LINGO2: variants seen among roughly 807,000 people sequenced by gnomAD.
LINGO2 encodes the protein leucine rich repeat and Ig domain containing 2, also known as leucine-rich repeat and immunoglobulin-like domain-containing nogo receptor-interacting protein 2.
LINGO2 carries 14 observed loss-of-function variants against 30.6 expected under a neutral mutation model. The ratio of observed to expected loss-of-function variants is 0.46; its 90% confidence interval spans 0.30 to 0.72. The LOEUF is 0.72. Among genes scored for constraint, LINGO2 ranks in the 30% least tolerant of loss-of-function variants. LINGO2 has a pLI of 0.07. For missense variants in LINGO2, 729 were observed against 751.7 expected (o/e 0.97, Z 0.35); for synonymous variants, 317 against 288.5 (o/e 1.10, Z -1.00).
intron 2 of LINGO2, among the ~76,000 whole-genome samples, chr9:28,417,098 A>AG (rs1325511961): frequency 6.6e-6 from 1 of 152,078 alleles, no homozygotes; most frequent in Non-Finnish European, 1.5e-5. Context: ...TTCAGATAAA[A>AG]AAAAAGCTGA....
the LINGO2 span, among the ~76,000 whole-genome samples, chr9:29,168,080 T>A: frequency 5.3e-5 from 8 of 152,150 alleles, no homozygotes; most frequent in Non-Finnish European, 1.0e-4. Flanking sequence ...ATAGACAATC[T>A]ATAGCAAATG....
the LINGO2 span, among the ~76,000 whole-genome samples, chr9:29,185,157 T>C: frequency 6.6e-6 from 1 of 152,010 alleles, no homozygotes; most frequent in Non-Finnish European, 1.5e-5. Context: ...CCACAGAGTG[T>C]CTCATTTACC....
rs968195733 is a variant in LINGO2 at position 28,367,816 on chromosome 9, T to C, written c.-246+5020A>G. Among the ~76,000 whole-genome samples the C allele has an allele frequency of 5.9e-5, 9 of 152,240 alleles. No individual in the cohort carries two copies. In the South Asian group the frequency reaches 1.9e-3, roughly 32 times the overall value. ...AATTATTATTTATTAATCACTCACC[T>C]CCAACCTTTCTTTATTTCAAGAACT... is the stretch of plus-strand genomic sequence containing the variant. On this transcript the variant is annotated intron_variant, in intron 3 of 5. Transcript: ENST00000379992.
the LINGO2 span, among the ~76,000 whole-genome samples, chr9:28,921,621 A>G: frequency 6.6e-6 from 1 of 152,138 alleles, no homozygotes; most frequent in Non-Finnish European, 1.5e-5. Context: ...CAGCTAAGAG[A>G]GCGGAGCAAG....
At chr9:29,092,579 T>TTATGTTTGACTTCTAGACTTAATG in the LINGO2 span, among the ~76,000 whole-genome samples, 34 of 141,658 alleles carry the variant, frequency 2.4e-4, no homozygotes, top group South Asian at 6.5e-4. Flanking sequence ...AATGCATTTT[T>TTATGTTTGACTTCTAGACTTAATG]CCATGTATTA....
chr9:28,386,203 G>T (rs760821179), intron 2 of LINGO2, among the ~76,000 whole-genome samples: 1 of 152,156 alleles, frequency 6.6e-6, no homozygotes, highest in African/African-American at 2.4e-5. Context: ...AAGAGATCAA[G>T]AACTACCCCT....
the LINGO2 span, among the ~76,000 whole-genome samples, chr9:28,950,041 C>G: frequency 6.6e-6 from 1 of 151,954 alleles, no homozygotes; most frequent in Non-Finnish European, 1.5e-5. Flanking sequence ...AAAAGTTTAT[C>G]CACCACAAAC....
intron 2 of LINGO2, among the ~76,000 whole-genome samples, chr9:28,421,889 C>T (rs1383957381): frequency 1.3e-5 from 2 of 151,880 alleles, no homozygotes; most frequent in East Asian, 1.9e-4. Flanking sequence ...TCCACAAGAG[C>T]GACAAGACCA....
intron 5 of LINGO2, among the ~76,000 whole-genome samples, chr9:27,992,203 T>C (rs1587634260): frequency 1.1e-5 from 1 of 90,530 alleles, no homozygotes; most frequent in South Asian, 2.6e-4. Context: ...GTCACTGACA[T>C]ATATAAACAT....
intron 4 of LINGO2, among the ~76,000 whole-genome samples, chr9:28,065,914 T>G (rs187401490): frequency 6.6e-6 from 1 of 152,096 alleles, no homozygotes; most frequent in South Asian, 2.1e-4. Flanking sequence ...AGGGAACAAC[T>G]GACTCACCTG....
intron 1 of LINGO2, among the ~76,000 whole-genome samples, chr9:28,574,197 A>C (rs757154736): frequency 1.3e-5 from 2 of 152,194 alleles, no homozygotes; most frequent in Non-Finnish European, 2.9e-5. Flanking sequence ...AAAAATAGTT[A>C]CTAAGACTCA....
chr9:28,631,289 C>T (rs2135877070), intron 1 of LINGO2, among the ~76,000 whole-genome samples: 1 of 151,690 alleles, frequency 6.6e-6, no homozygotes, highest in South Asian at 2.1e-4. Context: ...AGGTATATCC[C>T]CCAATGCCAT....
At chr9:28,744,609 C>CTT in the LINGO2 span, among the ~76,000 whole-genome samples, 100 of 133,970 alleles carry the variant, frequency 7.5e-4, 1 homozygote, top group African/African-American at 9.4e-4. Context: ...ATATTCCCCT[C>CTT]GTGTGTGTGT....
intron 4 of LINGO2, among the ~76,000 whole-genome samples, chr9:28,178,353 G>T (rs1453487888): frequency 6.6e-6 from 1 of 152,072 alleles, no homozygotes; most frequent in East Asian, 1.9e-4. Context: ...CAGTAAACTT[G>T]GAACATGAAA....
At chr9:28,038,505 A>G (rs1824048799) in intron 4 of LINGO2, among the ~76,000 whole-genome samples, 1 of 152,122 alleles carries the variant, frequency 6.6e-6, no homozygotes, top group Non-Finnish European at 1.5e-5. Context: ...CATCCCGGCT[A>G]AAACGGTGAA....
the LINGO2 span, among the ~76,000 whole-genome samples, chr9:29,131,999 T>G: frequency 6.6e-6 from 1 of 151,628 alleles, no homozygotes; most frequent in African/African-American, 2.4e-5. Flanking sequence ...AAGCTCCAGA[T>G]GATCATGTGA....
chr9:29,099,989 A>C, the LINGO2 span, among the ~76,000 whole-genome samples: 15 of 152,206 alleles, frequency 9.9e-5, no homozygotes, highest in African/African-American at 3.4e-4. Flanking sequence ...CTAGGTGTCC[A>C]TCAGCAGAAG....
the LINGO2 span, among the ~76,000 whole-genome samples, chr9:29,109,418 T>C: frequency 7.0e-6 from 1 of 142,052 alleles, no homozygotes; most frequent in African/African-American, 2.6e-5. Context: ...TACTTATAAA[T>C]CTTTTATTTT....
chr9:28,447,224 C>G (rs1159860339), intron 2 of LINGO2, among the ~76,000 whole-genome samples: 1 of 152,146 alleles, frequency 6.6e-6, no homozygotes, highest in Non-Finnish European at 1.5e-5. Context: ...CCTAAAAATT[C>G]ATATGCTGAA....
Sources: gnomAD v4.1 joint callset for allele counts (sites outside exome capture counted in the v4.1 genomes callset) on GRCh38, gnomAD v4.1.1 for gene constraint, MANE v1.5 for transcripts, NCBI Gene and HGNC (gene_info 2026-07-23, HGNC 2026-07-21) for gene names.